Variants in CBFA2T2 observed in about 807,000 individuals in gnomAD.
The protein encoded by CBFA2T2 is CBFA2/RUNX1 partner transcriptional co-repressor 2.
In CBFA2T2, 11 loss-of-function variants were observed where a neutral mutation model predicts 62.2. That is an observed-to-expected ratio of 0.18 (90% CI 0.11 to 0.29). The LOEUF is 0.29. CBFA2T2 is among the 10% of genes least tolerant of loss of function. The probability of loss-of-function intolerance (pLI) is 1.00; values close to 1 mark genes in which losing one functional copy is unlikely to be tolerated. For synonymous variants in CBFA2T2, 295 were observed against 287.5 expected (o/e 1.03, Z -0.27); for missense variants, 592 against 774.1 (o/e 0.76, Z 2.79).
chr20:33,524,081 T>G (rs1385045503), intron 1 of CBFA2T2, among the ~76,000 whole-genome samples: 2 of 152,064 alleles, frequency 1.3e-5, no homozygotes, highest in African/African-American at 4.8e-5. Flanking sequence ...CCCTCTTTTT[T>G]TGTTTTCTCG....
intron 8 of CBFA2T2, among the ~76,000 whole-genome samples, chr20:33,634,857 G>T (rs913468969): frequency 6.6e-6 from 1 of 151,996 alleles, no homozygotes; most frequent in Non-Finnish European, 1.5e-5. Flanking sequence ...ACTCTCTAGA[G>T]GTAAGCCTCT....
At chr20:33,570,645 T>C (rs1409228370) in intron 1 of CBFA2T2, among the ~76,000 whole-genome samples, 1 of 152,226 alleles carries the variant, frequency 6.6e-6, no homozygotes, top group Non-Finnish European at 1.5e-5. Flanking sequence ...ACATGTGCTG[T>C]TAACCCTTCT....
chr20:33,642,507 G>A (rs2016895322), intron 10 of CBFA2T2, among the ~76,000 whole-genome samples: 1 of 152,030 alleles, frequency 6.6e-6, no homozygotes, highest in Admixed American at 6.6e-5. Flanking sequence ...TTTGGAGGCT[G>A]GGGCAGGAGG....
rs114030098 is a variant in CBFA2T2, at chr20:33,640,585, G to A, written c.1488+54G>A. On this transcript the variant is annotated intron_variant, in intron 10 of 10. Coordinates refer to ENST00000342704, the MANE Select transcript of CBFA2T2 (RefSeq NM_001032999.3). ...GTGAGCAGCTGGAGTGACCACGCCC[G>A]CTGCCTTCCTCTCATACGCTGGGCA... The A allele has an allele frequency of 1.5e-3, 2,233 of 1,527,008 alleles. 23 individuals are homozygous for A. The African/African-American group carries it at 0.025, about 17-fold the overall frequency. 94.6% of individuals were successfully genotyped at this position (1,527,008 alleles called of 1,614,324 possible). A position where few individuals can be genotyped will look rare whatever the true frequency, so the allele number is the denominator to read the frequency against.
At chr20:33,504,044 G>A (rs1366921158) in intron 1 of CBFA2T2, among the ~76,000 whole-genome samples, 1 of 151,940 alleles carries the variant, frequency 6.6e-6, no homozygotes, top group Admixed American at 6.6e-5. Context: ...ACTGGTTTTT[G>A]TCACTCACAG....
rs574889919 is a variant in CBFA2T2 at position 33,510,686 on chromosome 20, T to G, written c.34+20385T>G. On this transcript the variant is annotated intron_variant, in intron 1 of 10. Transcript: ENST00000342704. ...TCGCTGGGTCAAATGGTATTTCTAG[T>G]TCTAGATCCTTGAGGAATCACCACA... is the stretch of plus-strand genomic sequence containing the variant. Among the ~76,000 whole-genome samples the G allele has an allele frequency of 5.9e-5, 9 of 152,284 alleles. No homozygotes were observed. The East Asian group carries it at 1.5e-3, about 26-fold the overall frequency.
intron 1 of CBFA2T2, among the ~76,000 whole-genome samples, chr20:33,525,286 A>G (rs2011856376): frequency 6.6e-6 from 1 of 151,896 alleles, no homozygotes; most frequent in African/African-American, 2.4e-5. Flanking sequence ...CCTGGGTTCA[A>G]GTGATTCTTA....
intron 1 of CBFA2T2, among the ~76,000 whole-genome samples, chr20:33,560,973 G>A (rs1252804030): frequency 6.6e-6 from 1 of 152,136 alleles, no homozygotes; most frequent in Non-Finnish European, 1.5e-5. Context: ...CACCTCCCGG[G>A]TTCAAGCAAT....
chr20:33,564,220 A>G (rs922763221), intron 1 of CBFA2T2, among the ~76,000 whole-genome samples: 3 of 151,136 alleles, frequency 2.0e-5, no homozygotes, highest in Non-Finnish European at 4.4e-5. Context: ...CTTCAATTTT[A>G]TAGTCAGATT....
intron 1 of CBFA2T2, among the ~76,000 whole-genome samples, chr20:33,557,813 A>G (rs2012948983): frequency 6.6e-6 from 1 of 151,478 alleles, no homozygotes. Context: ...AGCCACATTT[A>G]GGTCTTTTAT....
At chr20:33,623,613 G>A (rs2016087136) in intron 5 of CBFA2T2, among the ~76,000 whole-genome samples, 1 of 151,588 alleles carries the variant, frequency 6.6e-6, no homozygotes, top group Non-Finnish European at 1.5e-5. Flanking sequence ...GGAGAGATGA[G>A]GTTTTACCAT....
At chr20:33,521,765 G>A (rs954600413) in intron 1 of CBFA2T2, among the ~76,000 whole-genome samples, 3 of 151,990 alleles carry the variant, frequency 2.0e-5, no homozygotes, top group Non-Finnish European at 4.4e-5. Context: ...CACAGGTGTT[G>A]CCTTTGGTCT....
intron 1 of CBFA2T2, among the ~76,000 whole-genome samples, chr20:33,505,713 G>A (rs145572063): frequency 1.1e-4 from 17 of 152,070 alleles, no homozygotes; most frequent in African/African-American, 2.9e-4. Context: ...CCTGGGAGGC[G>A]GAGGTTGCAG....
chr20:33,513,337 C>T (rs1052480197), intron 1 of CBFA2T2, among the ~76,000 whole-genome samples: 2 of 150,960 alleles, frequency 1.3e-5, no homozygotes, highest in Non-Finnish European at 1.5e-5. Context: ...TTTCATAGAC[C>T]GTAATGGGTT....
rs376852813 is a variant in CBFA2T2 at position 33,509,843 on chromosome 20, C to T, written c.34+19542C>T. ...AACTCTTTTTTTTTTTTTTTAAATA[C>T]AAGTTCTAGGGTACATGTGCACAAT... On this transcript the variant is annotated intron_variant, in intron 1 of 10. Transcript: ENST00000342704. Among the ~76,000 whole-genome samples, 260 of 148,304 alleles carry T rather than the reference C, an allele frequency of 1.8e-3. 1 individual carries two copies. Among genetic ancestry groups the T allele is most frequent in the Non-Finnish European group, 3.0e-3 (204 of 67,228 alleles).
At chr20:33,564,086 G>A (rs574808049) in intron 1 of CBFA2T2, among the ~76,000 whole-genome samples, 188 of 151,996 alleles carry the variant, frequency 1.2e-3, no homozygotes, top group African/African-American at 4.3e-3. Context: ...TACAAGTCAC[G>A]CAAAAATTCT....
chr20:33,649,751 G>A lies in CBFA2T2; in HGVS notation c.*5105G>A, dbSNP rs1276558784. 1 of 152,486 alleles carries A rather than the reference G, an allele frequency of 6.6e-6. No homozygotes were observed. Among genetic ancestry groups the A allele is most frequent in the African/African-American group, 2.4e-5 (1 of 41,436 alleles). 9.4% of individuals were successfully genotyped at this position (152,486 alleles called of 1,614,324 possible). A position where few individuals can be genotyped will look rare whatever the true frequency, so the allele number is the denominator to read the frequency against. On this transcript the variant is annotated 3_prime_UTR_variant, in exon 11 of 11. Coordinates refer to ENST00000342704, the MANE Select transcript of CBFA2T2 (RefSeq NM_001032999.3). ...ACGTGGCTTTCCAACTTCCTGACGAGGCTACAAAGGCTCCGCTCACAAAAG... is the reference window on the plus strand; with the variant it reads ...ACGTGGCTTTCCAACTTCCTGACGAAGCTACAAAGGCTCCGCTCACAAAAG...
chr20:33,620,891 G>A (rs2015935005), intron 4 of CBFA2T2, among the ~76,000 whole-genome samples: 2 of 152,170 alleles, frequency 1.3e-5, no homozygotes, highest in Admixed American at 6.5e-5. Context: ...ATCAAATCAG[G>A]AAAGTAACAT....
Position 33,563,188 on chromosome 20 carries a change from A to G in CBFA2T2, c.35-43768A>G, listed in dbSNP as rs148292923. Among the ~76,000 whole-genome samples, 25 of 152,268 alleles carry G rather than the reference A, an allele frequency of 1.6e-4. No individual in the cohort carries two copies. The East Asian group carries it at 4.4e-3, about 27-fold the overall frequency. On this transcript the variant is annotated intron_variant, in intron 1 of 10. Coordinates refer to ENST00000342704, the MANE Select transcript of CBFA2T2 (RefSeq NM_001032999.3). ...ATATATCTAACAGTTTTTCATTTAC[A>G]TTTTGCTCCTATGCTGTTTTCTTCT...
Sources: allele counts gnomAD v4.1 joint callset (sites outside exome capture counted in the v4.1 genomes callset), GRCh38; gene constraint gnomAD v4.1.1; transcripts MANE v1.5; gene names NCBI Gene and HGNC (gene_info 2026-07-23, HGNC 2026-07-21).